Variants in ALG6 observed in about 807,000 individuals in gnomAD.
The protein encoded by ALG6 is dolichyl pyrophosphate Man9GlcNAc2 alpha-1,3-glucosyltransferase.
In ALG6, 46 loss-of-function variants were observed where a neutral mutation model predicts 66.6. The observed-to-expected ratio is 0.69, with a 90% CI of 0.55 to 0.88. ALG6 has a LOEUF of 0.88. Among genes scored for constraint, ALG6 ranks in the 40% least tolerant of loss-of-function variants. The probability of loss-of-function intolerance (pLI) is 0.00; values close to 1 mark genes in which losing one functional copy is unlikely to be tolerated. For missense variants in ALG6, 505 were observed against 586.8 expected, an observed-to-expected ratio of 0.86 and a Z score of 1.44; for synonymous variants, 185 against 203.7, an observed-to-expected ratio of 0.91 and a Z score of 0.78.
intron 2 of ALG6, among the ~76,000 whole-genome samples, chr1:63,393,825 T>G (rs1262548149): frequency 6.6e-6 from 1 of 152,230 alleles, no homozygotes; most frequent in Admixed American, 6.5e-5. Context: ...ACGTCCTTGC[T>G]GTATTAACAT....
intron 1 of ALG6, among the ~76,000 whole-genome samples, chr1:63,368,560 G>A (rs1436458043): frequency 6.6e-6 from 1 of 151,892 alleles, no homozygotes; most frequent in African/African-American, 2.4e-5. Flanking sequence ...GAGTGCAGTG[G>A]CACGATCTTG....
chr1:63,427,838 ACT>A (rs1220135897), intron 12 of ALG6, among the ~76,000 whole-genome samples: 1 of 125,518 alleles, frequency 8.0e-6, no homozygotes, highest in Non-Finnish European at 1.6e-5. Flanking sequence ...CTGTCATCTC[ACT>A]CTGTTGCCCA....
chr1:63,426,040 T>G (rs1012386814), intron 12 of ALG6, among the ~76,000 whole-genome samples: 1 of 152,142 alleles, frequency 6.6e-6, no homozygotes, highest in Non-Finnish European at 1.5e-5. Context: ...AGAGGCGTTA[T>G]AGCAAATGAG....
intron 4 of ALG6, among the ~76,000 whole-genome samples, chr1:63,403,429 G>A (rs1644475217): frequency 1.3e-5 from 2 of 152,054 alleles, no homozygotes; most frequent in African/African-American, 4.8e-5. Context: ...AATAGTTATA[G>A]AAGATAAGGA....
chr1:63,429,052 T>C lies in ALG6; in HGVS notation c.1252T>C (p.Leu418=). The C allele has an allele frequency of 6.2e-7, 1 of 1,606,582 alleles. No homozygotes were observed. Among genetic ancestry groups the C allele is most frequent in the Non-Finnish European group, 8.5e-7 (1 of 1,176,968 alleles). Residue 418 remains leucine (L), a synonymous_variant, in exon 14 of 15, where the codon TTG becomes CTG. Coordinates refer to ENST00000263440, the MANE Select transcript of ALG6 (RefSeq NM_013339.4). ...AAAGACTTCTGAAGAAGAACTGCAG[T>C]TGAAATCCTTTTCCATTTCTGTGAG... is the stretch of plus-strand genomic sequence containing the variant. ...FEKTSEEELQ[L]KSFSISVRKY... is the part of the protein sequence containing the mutation.
At chr1:63,405,941 G>T (rs915126313) in intron 5 of ALG6, among the ~76,000 whole-genome samples, 21 of 151,562 alleles carry the variant, frequency 1.4e-4, no homozygotes, top group African/African-American at 4.8e-4. Flanking sequence ...ATTTAAAAAA[G>T]ATTTTCTTAC....
At position 63,400,326 on chromosome 1, in the gene ALG6, T is replaced by TATATGTAC. The variant is rs1557587841; in HGVS notation, c.168-1924_168-1923insGTACATAT. Among the ~76,000 whole-genome samples the TATATGTAC allele has an allele frequency of 4.7e-3, 161 of 34,402 alleles. 49 individuals carry two copies. The highest frequency in any genetic ancestry group is 0.036 in the African/African-American group (157 of 4,360). The allele number at this position is 34,402 out of a possible 152,430, so 22.6% of individuals were successfully genotyped here. Reference sequence around the variant, plus strand: ...ATATATGTATATATATATACGTATATATATATATACGTATATATATATGTA... The same window carrying TATATGTAC: ...ATATATGTATATATATATACGTATATATATGTACATATATATACGTATATATATATGTA... On this transcript the variant is annotated intron_variant, in intron 3 of 14. Coordinates refer to ENST00000263440, the MANE Select transcript of ALG6 (RefSeq NM_013339.4).
Position 63,437,243 on chromosome 1 carries a change from G to A in ALG6, c.*223G>A. 4.2e-6 allele frequency: 2 copies of A among 478,018 alleles called. No homozygotes were observed. Among genetic ancestry groups the A allele is most frequent in the South Asian group, 2.2e-5 (1 of 45,596 alleles). The allele number at this position is 478,018 out of a possible 1,614,324, so 29.6% of individuals were successfully genotyped here. ...TCTAAGTACTGCTTGGCCAAAACAT[G>A]TGGTTTTATTATTCACAGCTATTCA... is the stretch of plus-strand genomic sequence containing the variant. On this transcript the variant is annotated 3_prime_UTR_variant, in exon 15 of 15. Transcript: ENST00000263440.
At chr1:63,420,277 A>G (rs977959389) in intron 12 of ALG6, among the ~76,000 whole-genome samples, 1 of 152,170 alleles carries the variant, frequency 6.6e-6, no homozygotes, top group Non-Finnish European at 1.5e-5. Context: ...CTGAGGCCCA[A>G]ACCTGAGTTA....
intron 2 of ALG6, among the ~76,000 whole-genome samples, chr1:63,375,506 C>T (rs1209951169): frequency 6.6e-6 from 1 of 151,368 alleles, no homozygotes; most frequent in Non-Finnish European, 1.5e-5. Flanking sequence ...GTGATCCGCC[C>T]TCCTTGGCCT....
chr1:63,406,200 T>G, intron 5 of ALG6, 117 bp from the exon 6 acceptor site: 2 of 888,368 alleles, frequency 2.3e-6, no homozygotes, highest in Non-Finnish European at 3.7e-6. Flanking sequence ...GACTTGTCCA[T>G]AGTAGGGCAA....
intron 2 of ALG6, among the ~76,000 whole-genome samples, chr1:63,395,381 A>G (rs1648791791): frequency 6.6e-6 from 1 of 152,128 alleles, no homozygotes; most frequent in Non-Finnish European, 1.5e-5. Context: ...CTTGACCTTA[A>G]GTTATTTATA....
At chr1:63,371,733 TA>T (rs1218794346) in intron 2 of ALG6, among the ~76,000 whole-genome samples, 1 of 152,084 alleles carries the variant, frequency 6.6e-6, no homozygotes, top group Non-Finnish European at 1.5e-5. Context: ...ACCTTCCGAG[TA>T]GCTGGGATTA....
chr1:63,391,821 G>C (rs1449704357), intron 2 of ALG6, among the ~76,000 whole-genome samples: 1 of 152,106 alleles, frequency 6.6e-6, no homozygotes, highest in Non-Finnish European at 1.5e-5. Context: ...AATTTTCAGA[G>C]ACCTAAAAAT....
At position 63,367,949 on chromosome 1, in the gene ALG6, CTCAAGA is replaced by C. The variant is rs113154998; in HGVS notation, c.-208+263_-208+268del. Among the ~76,000 whole-genome samples, 392 of 152,290 alleles carry C rather than the reference CTCAAGA, an allele frequency of 2.6e-3. 4 individuals carry two copies. Among genetic ancestry groups the C allele is most frequent in the African/African-American group, 8.7e-3 (360 of 41,570 alleles). On this transcript the variant is annotated intron_variant, in intron 1 of 14. Transcript: ENST00000263440. ...TCCTTGCGGTTCTGAGGGCCTGGCC[CTCAAGA>C]GGAGGGGCGGAGAAACGCGAGAAGG...
chr1:63,371,762 G>A lies in ALG6; in HGVS notation c.82+703G>A, dbSNP rs141280971. Among the ~76,000 whole-genome samples, 57 of 152,154 alleles carry A rather than the reference G, an allele frequency of 3.7e-4. No individual in the cohort carries two copies. In the East Asian group the frequency reaches 0.011, roughly 28 times the overall value. The stretch of plus-strand genomic sequence containing the variant: ...TGGGATTACAGATGCACGCGACCAT[G>A]CCCAGCTAATTTTTGCATTTTTAGT... On this transcript the variant is annotated intron_variant, in intron 2 of 14. Coordinates refer to ENST00000263440, the MANE Select transcript of ALG6 (RefSeq NM_013339.4).
At chr1:63,412,195 T>G (rs2100421849) in intron 9 of ALG6, 134 bp downstream of exon 9, 1 of 1,367,426 alleles carries the variant, frequency 7.3e-7, no homozygotes, top group East Asian at 2.3e-5. Flanking sequence ...CAGTTATTGC[T>G]TGATTGATTA....
chr1:63,405,884 A>G (rs1485746537), intron 5 of ALG6, among the ~76,000 whole-genome samples: 1 of 151,762 alleles, frequency 6.6e-6, no homozygotes, highest in Non-Finnish European at 1.5e-5. Context: ...CAAGCTCTTT[A>G]TATGCATTAA....
intron 2 of ALG6, among the ~76,000 whole-genome samples, chr1:63,388,858 CT>C (rs1011110291): frequency 6.6e-6 from 1 of 151,178 alleles, no homozygotes; most frequent in Non-Finnish European, 1.5e-5. Context: ...AGGATAAAAG[CT>C]TTTTTTTTCC....
Sources: allele counts gnomAD v4.1 joint callset (sites outside exome capture counted in the v4.1 genomes callset), GRCh38; gene constraint gnomAD v4.1.1; transcripts MANE v1.5; gene names NCBI Gene and HGNC (gene_info 2026-07-23, HGNC 2026-07-21).